Variants in HECW1 observed in about 807,000 individuals in gnomAD.
The protein encoded by HECW1 is HECT, C2 and WW domain containing E3 ubiquitin protein ligase 1.
HECW1 carries 61 observed loss-of-function variants against 182.3 expected under a neutral mutation model. That is an observed-to-expected ratio of 0.33 (90% CI 0.27 to 0.41). The LOEUF is 0.41. Among genes scored for constraint, HECW1 ranks in the 10% least tolerant of loss-of-function variants. HECW1 has a pLI of 1.00. For synonymous variants in HECW1, 859 were observed against 832.6 expected (o/e 1.03, Z -0.55); for missense variants, 1,739 against 2,108.9 (o/e 0.82, Z 3.44).
chr7:43,147,234 A>C (rs1046857556), intron 2 of HECW1, among the ~76,000 whole-genome samples: 1 of 136,454 alleles, frequency 7.3e-6, no homozygotes, highest in Non-Finnish European at 1.6e-5. Flanking sequence ...ATCTTGAAAG[A>C]ATGTAGTTTT....
rs773078887 is a variant in HECW1, at chr7:43,554,600, G to A, written c.4519G>A (p.Asp1507Asn). 10 of 1,612,350 alleles carry A rather than the reference G, an allele frequency of 6.2e-6. No individual in the cohort carries two copies. The highest frequency in any genetic ancestry group is 3.3e-5 in the Admixed American group (2 of 59,860). Reference protein sequence around the residue: ...NNTEYRGGYHDGHLVIRWFWA... With the variant: ...NNTEYRGGYHNGHLVIRWFWA... ...CCCTTTGCCTCGTGCAGGTTACCAC[G>A]ATGGGCATCTTGTGATCCGCTGGTT... is the stretch of plus-strand genomic sequence containing the variant. The change falls in exon 29 of 30, where the codon GAT becomes AAT. Residue 1507 changes from aspartate to asparagine, a missense_variant. Physicochemically the swap from Asp to Asn is conservative, Grantham distance 23. Coordinates refer to ENST00000395891, the MANE Select transcript of HECW1 (RefSeq NM_015052.5).
At chr7:43,300,478 GAGGGTGGAAGA>G (rs1375757283) in intron 3 of HECW1, among the ~76,000 whole-genome samples, 1 of 152,224 alleles carries the variant, frequency 6.6e-6, no homozygotes, top group Non-Finnish European at 1.5e-5. Context: ...AGGGATAGAA[GAGGGTGGAAGA>G]AGGGTGGAAG....
chr7:43,293,168 C>T (rs1178211730), intron 3 of HECW1, among the ~76,000 whole-genome samples: 1 of 136,624 alleles, frequency 7.3e-6, no homozygotes, highest in East Asian at 2.1e-4. Flanking sequence ...TGCAGTAAGC[C>T]GAGATTGTGC....
Position 43,541,321 on chromosome 7 carries a change from C to A in HECW1, c.4118+60C>A, listed in dbSNP as rs1033359675. On this transcript the variant is annotated intron_variant, in intron 25 of 29. Transcript: ENST00000395891. ...CCTGTCTGCAGGGCAAGGACACCGACCTCTCTGGTGCCACTGACCCTTTTG... is the reference window on the plus strand; with the variant it reads ...CCTGTCTGCAGGGCAAGGACACCGAACTCTCTGGTGCCACTGACCCTTTTG... 4 of 1,277,556 alleles carry A rather than the reference C, an allele frequency of 3.1e-6. No homozygotes were observed. In the African/African-American group the frequency reaches 5.9e-5, roughly 19 times the overall value. 79.1% of individuals were successfully genotyped at this position (1,277,556 alleles called of 1,614,324 possible).
At position 43,315,024 on chromosome 7, in the gene HECW1, C is replaced by A. The variant is rs562003304; in HGVS notation, c.352+2937C>A. On this transcript the variant is annotated intron_variant, in intron 4 of 29. Transcript: ENST00000395891. ...GTGCAGTGTTGGGTATGGGCCATGGCACATCCGTGTGCCATCAAATGTCCA... is the reference window on the plus strand; with the variant it reads ...GTGCAGTGTTGGGTATGGGCCATGGAACATCCGTGTGCCATCAAATGTCCA... Among the ~76,000 whole-genome samples the A allele has an allele frequency of 3.3e-5, 5 of 152,286 alleles. No individual in the cohort carries two copies. The East Asian group carries it at 9.6e-4, about 29-fold the overall frequency.
intron 5 of HECW1, among the ~76,000 whole-genome samples, chr7:43,335,418 C>G (rs1312734959): frequency 6.6e-6 from 1 of 152,270 alleles, no homozygotes; most frequent in South Asian, 2.1e-4. Flanking sequence ...GGAATTAATG[C>G]CTTTATAAAG....
intron 3 of HECW1, among the ~76,000 whole-genome samples, chr7:43,251,484 T>C (rs1167301232): frequency 6.6e-6 from 1 of 151,988 alleles, no homozygotes; most frequent in African/African-American, 2.4e-5. Context: ...CCCAGCTAAT[T>C]TTTGTATTTT....
intron 8 of HECW1, among the ~76,000 whole-genome samples, chr7:43,415,759 C>A (rs1212754657): frequency 1.2e-4 from 17 of 143,912 alleles, no homozygotes; most frequent in African/African-American, 4.5e-4. Flanking sequence ...AACTTCCCTT[C>A]TCACTTCATT....
intron 2 of HECW1, among the ~76,000 whole-genome samples, chr7:43,191,328 C>T (rs544575306): frequency 6.6e-6 from 1 of 152,344 alleles, no homozygotes; most frequent in South Asian, 2.1e-4. Flanking sequence ...AGCTCTATTA[C>T]AGCGATGTAG....
intron 3 of HECW1, among the ~76,000 whole-genome samples, chr7:43,247,298 G>A (rs1001307323): frequency 4.6e-5 from 7 of 152,162 alleles, no homozygotes; most frequent in Admixed American, 2.6e-4. Context: ...TAGATGGCAG[G>A]ACATGGAAGA....
intron 12 of HECW1, 41 bp downstream of exon 12, chr7:43,450,970 A>G (rs1387453747): frequency 1.5e-6 from 2 of 1,327,836 alleles, no homozygotes; most frequent in East Asian, 2.3e-5. Flanking sequence ...AACTCTTCCT[A>G]TCAAGTCTAA....
At chr7:43,506,302 C>T (rs73098755) in intron 21 of HECW1, among the ~76,000 whole-genome samples, 25,678 of 152,148 alleles carry the variant, frequency 0.17, 2,581 homozygotes, top group South Asian at 0.29. Flanking sequence ...CTTCTTGTAG[C>T]AACTTACAAG....
intron 6 of HECW1, among the ~76,000 whole-genome samples, chr7:43,382,350 C>A (rs1395014021): frequency 6.6e-6 from 1 of 151,830 alleles, no homozygotes; most frequent in African/African-American, 2.4e-5. Flanking sequence ...TCTGAGGATG[C>A]GGTGAAGCAA....
chr7:43,222,013 C>T (rs1325546970), intron 2 of HECW1, among the ~76,000 whole-genome samples: 2 of 152,108 alleles, frequency 1.3e-5, no homozygotes, highest in African/African-American at 4.8e-5. Flanking sequence ...AGTCTCAGAC[C>T]TACTGAATCA....
chr7:43,233,347 C>T (rs895125221), intron 2 of HECW1, among the ~76,000 whole-genome samples: 1 of 152,136 alleles, frequency 6.6e-6, no homozygotes, highest in Non-Finnish European at 1.5e-5. Flanking sequence ...CACAGACAGT[C>T]GCATATATCC....
intron 4 of HECW1, among the ~76,000 whole-genome samples, chr7:43,318,652 G>A (rs1809648228): frequency 6.6e-6 from 1 of 152,212 alleles, no homozygotes; most frequent in Non-Finnish European, 1.5e-5. Context: ...TGGCACAAAA[G>A]GCAAGAGCTG....
intron 6 of HECW1, among the ~76,000 whole-genome samples, chr7:43,369,769 G>A (rs1414027254): frequency 6.6e-6 from 1 of 152,176 alleles, no homozygotes; most frequent in Non-Finnish European, 1.5e-5. Flanking sequence ...GGGTCCAAAT[G>A]TTGACTTCTC....
At chr7:43,477,006 C>T (rs1313016196) in intron 16 of HECW1, among the ~76,000 whole-genome samples, 1 of 152,112 alleles carries the variant, frequency 6.6e-6, no homozygotes, top group Non-Finnish European at 1.5e-5. Flanking sequence ...AAAACTTTAA[C>T]ATCCCGACAA....
chr7:43,402,618 C>G (rs2075465768), intron 7 of HECW1, among the ~76,000 whole-genome samples: 1 of 152,110 alleles, frequency 6.6e-6, no homozygotes, highest in Non-Finnish European at 1.5e-5. Flanking sequence ...CTCCAGCATA[C>G]AGAGATAAAA....
Sources: gnomAD v4.1 joint callset for allele counts (sites outside exome capture counted in the v4.1 genomes callset) on GRCh38, gnomAD v4.1.1 for gene constraint, MANE v1.5 for transcripts, NCBI Gene and HGNC (gene_info 2026-07-23, HGNC 2026-07-21) for gene names.